Variants in NAV1 observed in about 807,000 individuals in gnomAD.
The protein encoded by NAV1 is neuron navigator 1.
A neutral mutation model predicts 175.2 loss-of-function variants in NAV1; 18 were observed. That is an observed-to-expected ratio of 0.10 (90% CI 0.07 to 0.15). NAV1 has a LOEUF of 0.15. Ranked by LOEUF, NAV1 falls within the 10% of genes least tolerant of loss-of-function variation. NAV1 has a pLI of 1.00. For synonymous variants in NAV1, 897 were observed against 978.7 expected (o/e 0.92, Z 1.56); for missense variants, 1,731 against 2,436.6 (o/e 0.71, Z 6.10).
intron 1 of NAV1, among the ~76,000 whole-genome samples, chr1:201,627,445 G>A (rs1311456068): frequency 6.6e-6 from 1 of 151,854 alleles, no homozygotes; most frequent in Non-Finnish European, 1.5e-5. Context: ...GCTAATTTTT[G>A]TATTTTTAGT....
chr1:201,588,935 C>T (rs997747762), intron 2 of NAV1, among the ~76,000 whole-genome samples: 4 of 151,976 alleles, frequency 2.6e-5, no homozygotes, highest in Admixed American at 2.6e-4. Context: ...GCAACCTCTG[C>T]CTCCTGGGTT....
In NAV1 at chr1:201,740,016, C is replaced by A; in HGVS notation, c.1226+21261C>A. On this transcript the variant is annotated intron_variant, in intron 3 of 29. Coordinates refer to ENST00000367296, the Ensembl canonical transcript of NAV1. This position sits in a 1 kb window ranked among gnomAD's most constrained non-coding sequence, Gnocchi z 4.7. ...CCACCCGGTGAATGGCCGCCTGAGC[C>A]GGGGAAGATGCTTCATCTGCCCCTG... 2 of 1,480,768 alleles carry A rather than the reference C, an allele frequency of 1.4e-6. No individual in the cohort carries two copies. Among genetic ancestry groups the A allele is most frequent in the Non-Finnish European group, 1.8e-6 (2 of 1,112,834 alleles). 91.7% of individuals were successfully genotyped at this position (1,480,768 alleles called of 1,614,324 possible).
intron 3 of NAV1, among the ~76,000 whole-genome samples, chr1:201,758,968 G>C (rs1217329487): frequency 1.3e-5 from 2 of 152,194 alleles, no homozygotes; most frequent in Non-Finnish European, 2.9e-5. Flanking sequence ...CTTGTTGTAA[G>C]TAAAATGGAA....
At chr1:201,818,348 G>A (rs1389238419) in intron 29 of NAV1, among the ~76,000 whole-genome samples, 2 of 152,140 alleles carry the variant, frequency 1.3e-5, no homozygotes, top group East Asian at 1.9e-4. Flanking sequence ...CCAACATGGT[G>A]AAACCCCGTC....
chr1:201,674,897 G>A (rs1670183817), intron 1 of NAV1, among the ~76,000 whole-genome samples: 1 of 152,028 alleles, frequency 6.6e-6, no homozygotes, highest in South Asian at 2.1e-4. Context: ...ACACATAGCT[G>A]GGTGTGGTGG....
intron 15 of NAV1, among the ~76,000 whole-genome samples, chr1:201,803,006 A>T (rs1678037145): frequency 6.6e-6 from 1 of 152,132 alleles, no homozygotes; most frequent in African/African-American, 2.4e-5. Context: ...CATCTGAAAA[A>T]TTTCTATTCT....
rs140524630 is a variant in NAV1, at chr1:201,591,683, T to C, written c.-33+3034T>C. On this transcript the variant is annotated intron_variant, in intron 2 of 33. Coordinates refer to the NAV1 transcript ENST00000685211. ...CCTGGGCCCCACCCCAGCTGCAACA[T>C]CTCCTTCTGGCCTGTGAATTGCTGC... 2.5e-3 allele frequency among the ~76,000 whole-genome samples: 385 copies of C among 152,170 alleles called. 1 individual carries two copies. The highest frequency in any genetic ancestry group is 8.7e-3 in the African/African-American group (363 of 41,518).
rs1308433011 is a variant in NAV1, at chr1:201,732,111, T to C, written c.1226+13356T>C. On this transcript the variant is annotated intron_variant, in intron 3 of 29. Coordinates refer to ENST00000367296, the Ensembl canonical transcript of NAV1. ...ACAGCTATACAATCTCTCTCTCTCT[T>C]TTTTTTTTTCTTCCCCTGAGACAAG... is the stretch of plus-strand genomic sequence containing the variant. Among the ~76,000 whole-genome samples the C allele has an allele frequency of 5.5e-5, 8 of 144,448 alleles. No homozygotes were observed. The East Asian group carries it at 1.6e-3, about 28-fold the overall frequency. 94.8% of individuals were successfully genotyped at this position (144,448 alleles called of 152,430 possible). A position where few individuals can be genotyped will look rare whatever the true frequency, so the allele number is the denominator to read the frequency against.
At chr1:201,780,343 C>A in intron 3 of NAV1, 78 bp from the exon 8 acceptor site, 1 of 1,564,394 alleles carries the variant, frequency 6.4e-7, no homozygotes, top group South Asian at 1.1e-5. Context: ...CAGAGCCATT[C>A]TTGCATCAAT....
In NAV1 at chr1:201,780,568, G is replaced by T; in HGVS notation, c.1365+9G>T. The T allele has an allele frequency of 6.2e-7, 1 of 1,614,184 alleles. No individual in the cohort carries two copies. The highest frequency in any genetic ancestry group is 8.5e-7 in the Non-Finnish European group (1 of 1,180,050). On this transcript the variant is annotated intron_variant, in intron 4 of 29. Transcript: ENST00000367296. The stretch of plus-strand genomic sequence containing the variant: ...GGAACTCAACAATAGTGGTACGTGA[G>T]TTTGCAAACACCCAAGCTGCCATCT...
At position 201,580,776 on chromosome 1, in the gene NAV1, G is replaced by GA. The variant is rs80310053; in HGVS notation, c.-143-7753dup. On this transcript the variant is annotated intron_variant, in intron 1 of 33. Coordinates refer to the NAV1 transcript ENST00000685211. The stretch of plus-strand genomic sequence containing the variant: ...GACAGAGCAAGACTGTCTTAAAAAA[G>GA]AAAAAAAAAAGAATATGAGATATTC... Among the ~76,000 whole-genome samples the GA allele has an allele frequency of 1.4e-3, 207 of 147,760 alleles. 1 individual carries two copies. The highest frequency in any genetic ancestry group is 4.4e-3 in the African/African-American group (179 of 40,556).
intron 1 of NAV1, among the ~76,000 whole-genome samples, chr1:201,673,544 C>T (rs765118493): frequency 2.6e-5 from 4 of 152,188 alleles, no homozygotes; most frequent in Non-Finnish European, 4.4e-5. Context: ...TCAGCATTGG[C>T]CATTCTCACC....
intron 28 of NAV1, among the ~76,000 whole-genome samples, chr1:201,814,425 C>T (rs1218038894): frequency 6.6e-6 from 1 of 151,578 alleles, no homozygotes; most frequent in African/African-American, 2.4e-5. Context: ...GCAAAAGGAA[C>T]ATGTCATTTT....
chr1:201,808,472 G>C lies in NAV1; in HGVS notation c.3900G>C (p.Glu1300Asp). ...GGCTGTTCCATGCAAATGAGGAGGA[G>C]GAGCCAGAGAAGAAGGAGGTATCGG... Residue 1300 changes from glutamate to aspartate, a missense_variant, in exon 19 of 30, where the codon GAG becomes GAC. Physicochemically the swap from Glu to Asp is conservative, Grantham distance 45 (BLOSUM62 2). Coordinates refer to ENST00000367296, the Ensembl canonical transcript of NAV1. This position sits in a 1 kb window ranked among gnomAD's most constrained non-coding sequence, Gnocchi z 5.5. 1 of 1,614,256 alleles carries C rather than the reference G, an allele frequency of 6.2e-7. No homozygotes were observed. The highest frequency in any genetic ancestry group is 8.5e-7 in the Non-Finnish European group (1 of 1,180,046).
At chr1:201,656,591 G>A (rs914470638) in intron 1 of NAV1, among the ~76,000 whole-genome samples, 1 of 152,214 alleles carries the variant, frequency 6.6e-6, no homozygotes, top group Non-Finnish European at 1.5e-5. Flanking sequence ...TTAATAGGTT[G>A]TATGGCACAT....
intron 1 of NAV1, among the ~76,000 whole-genome samples, chr1:201,702,363 G>T (rs964111374): frequency 2.0e-5 from 3 of 151,846 alleles, no homozygotes; most frequent in African/African-American, 7.3e-5. Context: ...CATTTTATTT[G>T]TTTTTTTTAT....
intron 3 of NAV1, among the ~76,000 whole-genome samples, chr1:201,776,775 T>C (rs959439860): frequency 1.3e-5 from 2 of 150,478 alleles, no homozygotes; most frequent in African/African-American, 2.4e-5. Context: ...GAAGAGAAAA[T>C]CATCAAAAAA....
Position 201,781,381 on chromosome 1 carries a change from T to G in NAV1, c.1663+72T>G, listed in dbSNP as rs16849336. Reference sequence around the variant, plus strand: ...TGGTTGCTCCTCTTCTTAGTGGTCATTAACCCATAGGATGATAGCAAACAT... The same window carrying G: ...TGGTTGCTCCTCTTCTTAGTGGTCAGTAACCCATAGGATGATAGCAAACAT... On this transcript the variant is annotated intron_variant, in intron 5 of 29. Transcript: ENST00000367296. 4,896 of 1,416,144 alleles carry G rather than the reference T, an allele frequency of 3.5e-3. 137 individuals are homozygous for G. In the African/African-American group the frequency reaches 0.059, roughly 17 times the overall value. The allele number at this position is 1,416,144 out of a possible 1,614,324, so 87.7% of individuals were successfully genotyped here.
At chr1:201,707,454 C>T (rs1306452946) in intron 1 of NAV1, among the ~76,000 whole-genome samples, 1 of 152,210 alleles carries the variant, frequency 6.6e-6, no homozygotes, top group Admixed American at 6.5e-5. Context: ...TTTCCCAGAG[C>T]GGGAAACTGC....
Sources: allele counts gnomAD v4.1 joint callset (sites outside exome capture counted in the v4.1 genomes callset), GRCh38; gene constraint gnomAD v4.1.1; non-coding constraint Gnocchi (gnomAD v3.1); transcripts MANE v1.5; gene names NCBI Gene and HGNC (gene_info 2026-07-23, HGNC 2026-07-21).